CNTLN: variants seen among roughly 807,000 people sequenced by gnomAD.
CNTLN encodes centlein.
In CNTLN, 212 loss-of-function variants were observed where a neutral mutation model predicts 180.0. That is an observed-to-expected ratio of 1.18 (90% CI 1.05 to 1.32). The LOEUF is 1.32. Ranked by LOEUF, CNTLN falls within the 40% of genes most tolerant of loss-of-function variation. The probability of loss-of-function intolerance (pLI) is 0.00; values close to 1 mark genes in which losing one functional copy is unlikely to be tolerated. For synonymous variants in CNTLN, 722 were observed against 563.1 expected (o/e 1.28, Z -3.99); for missense variants, 2,095 against 1,610.9 (o/e 1.30, Z -5.14).
At chr9:17,491,925 C>T (rs994492381) in intron 25 of CNTLN, among the ~76,000 whole-genome samples, 4 of 141,032 alleles carry the variant, frequency 2.8e-5, no homozygotes, top group African/African-American at 1.3e-4. Flanking sequence ...TGAAGGTTAA[C>T]TGAAAGTTTC....
At chr9:17,177,980 A>C (rs541489099) in intron 2 of CNTLN, among the ~76,000 whole-genome samples, 1 of 151,932 alleles carries the variant, frequency 6.6e-6, no homozygotes, top group Non-Finnish European at 1.5e-5. Context: ...TGAGCTAGAC[A>C]CAAAAGTTCT....
intron 2 of CNTLN, chr9:17,168,181 C>G (rs1820206516): frequency 6.6e-6 from 1 of 152,066 alleles, no homozygotes; most frequent in Non-Finnish European, 1.5e-5. Flanking sequence ...TCTTTTGATT[C>G]TATGTGTTGG....
At chr9:17,394,451 T>A in intron 14 of CNTLN, 83 bp from the exon 15 acceptor site, 1 of 1,047,542 alleles carries the variant, frequency 9.5e-7, no homozygotes, top group Non-Finnish European at 1.3e-6. Context: ...AAATGTGATT[T>A]TTATTTCATA....
chr9:17,185,687 A>C (rs1484000287), intron 2 of CNTLN, among the ~76,000 whole-genome samples: 2 of 151,978 alleles, frequency 1.3e-5, no homozygotes, highest in African/African-American at 4.8e-5. Flanking sequence ...AACACATGGA[A>C]AGATCTTTCC....
chr9:17,211,857 G>T (rs1428093895), intron 2 of CNTLN, among the ~76,000 whole-genome samples: 1 of 152,066 alleles, frequency 6.6e-6, no homozygotes, highest in Non-Finnish European at 1.5e-5. Context: ...CTCTCTGTTT[G>T]TCTGTTGTTG....
intron 18 of CNTLN, among the ~76,000 whole-genome samples, chr9:17,417,128 GC>G (rs1291806673): frequency 2.0e-5 from 3 of 152,024 alleles, no homozygotes; most frequent in Non-Finnish European, 4.4e-5. Context: ...TACAGGCTTG[GC>G]CATTGGAAAT....
At chr9:17,470,660 A>G (rs1240619394) in intron 23 of CNTLN, among the ~76,000 whole-genome samples, 1 of 151,880 alleles carries the variant, frequency 6.6e-6, no homozygotes, top group Non-Finnish European at 1.5e-5. Flanking sequence ...TAAAACACAC[A>G]AGGGAAATTT....
rs773507037 is a variant in CNTLN at position 17,226,040 on chromosome 9, TG to T, written c.450-162del. Among the ~76,000 whole-genome samples, 1,508 of 152,138 alleles carry T rather than the reference TG, an allele frequency of 9.9e-3. 103 individuals carry two copies. In the East Asian group the frequency reaches 0.2, roughly 20 times the overall value. ...TGAAACTGTTCTTTTAGTATGAAGT[TG>T]TCTTAGTTTTCAGCAGTTGTAAGTT... On this transcript the variant is annotated intron_variant, in intron 2 of 25. Coordinates refer to ENST00000380647, the MANE Select transcript of CNTLN (RefSeq NM_017738.4).
intron 1 of CNTLN, among the ~76,000 whole-genome samples, chr9:17,141,169 A>C (rs1016476059): frequency 6.6e-6 from 1 of 152,220 alleles, no homozygotes; most frequent in African/African-American, 2.4e-5. Context: ...TTACTTGGGC[A>C]GAATTGTTTC....
intron 13 of CNTLN, among the ~76,000 whole-genome samples, chr9:17,372,126 ATAAAAT>A (rs1206763371): frequency 1.1e-4 from 16 of 152,160 alleles, no homozygotes; most frequent in Non-Finnish European, 1.8e-4. Context: ...GCAGAGATAA[ATAAAAT>A]TAAAATGAAT....
chr9:17,262,689 C>G (rs1192673988), intron 5 of CNTLN, among the ~76,000 whole-genome samples: 1 of 150,878 alleles, frequency 6.6e-6, no homozygotes, highest in Non-Finnish European at 1.5e-5. Context: ...ACATGTATAC[C>G]CATGCAACAA....
At chr9:17,439,657 C>T (rs1437853765) in intron 18 of CNTLN, among the ~76,000 whole-genome samples, 2 of 152,152 alleles carry the variant, frequency 1.3e-5, no homozygotes, top group Non-Finnish European at 2.9e-5. Context: ...ATTGAATAAA[C>T]CCAGTGTTGT....
chr9:17,487,490 CCAGA>C (rs1462162629), intron 25 of CNTLN, among the ~76,000 whole-genome samples: 2 of 152,150 alleles, frequency 1.3e-5, no homozygotes, highest in African/African-American at 4.8e-5. Context: ...TTCCTCACAG[CCAGA>C]CAGCTGTTTA....
At chr9:17,472,106 A>G (rs77762794) in intron 23 of CNTLN, among the ~76,000 whole-genome samples, 1 of 152,134 alleles carries the variant, frequency 6.6e-6, no homozygotes, top group Non-Finnish European at 1.5e-5. Context: ...TAATCAATGC[A>G]TTGGAATTGA....
At chr9:17,146,673 A>C (rs748524213) in intron 2 of CNTLN, among the ~76,000 whole-genome samples, 2 of 152,160 alleles carry the variant, frequency 1.3e-5, no homozygotes, top group Non-Finnish European at 2.9e-5. Flanking sequence ...TGAGCAATAC[A>C]TTTCTGTTGT....
intron 6 of CNTLN, among the ~76,000 whole-genome samples, chr9:17,282,130 T>G (rs375465200): frequency 7.2e-5 from 11 of 151,986 alleles, no homozygotes; most frequent in African/African-American, 2.4e-4. Flanking sequence ...GCCCAGCTAG[T>G]TTTTGTATTT....
chr9:17,486,924 T>C (rs1347019503), intron 24 of CNTLN, 65 bp from the exon 25 acceptor site: 12 of 735,556 alleles, frequency 1.6e-5, no homozygotes, highest in Non-Finnish European at 2.6e-5. Context: ...TTATTCAGTA[T>C]CTAATAGTAT....
intron 2 of CNTLN, among the ~76,000 whole-genome samples, chr9:17,160,540 C>T (rs1252832017): frequency 6.6e-6 from 1 of 152,180 alleles, no homozygotes; most frequent in Non-Finnish European, 1.5e-5. Context: ...TGCAGTGTCA[C>T]TCAAATTTAG....
chr9:17,417,630 C>T (rs919536747), intron 18 of CNTLN, among the ~76,000 whole-genome samples: 1 of 152,018 alleles, frequency 6.6e-6, no homozygotes, highest in South Asian at 2.1e-4. Context: ...TTATTTTCCT[C>T]ATTCTCCTTG....
Sources: gnomAD v4.1 joint callset for allele counts (sites outside exome capture counted in the v4.1 genomes callset) on GRCh38, gnomAD v4.1.1 for gene constraint, MANE v1.5 for transcripts, NCBI Gene and HGNC (gene_info 2026-07-23, HGNC 2026-07-21) for gene names.